SLC44A1: variants seen among roughly 807,000 people sequenced by gnomAD.
The protein encoded by SLC44A1 is solute carrier family 44 member 1.
SLC44A1 carries 26 observed loss-of-function variants against 79.3 expected under a neutral mutation model. The observed-to-expected ratio is 0.33, with a 90% confidence interval of 0.24 to 0.46. SLC44A1 has a LOEUF of 0.46. SLC44A1 is among the 20% of genes least tolerant of loss of function. The pLI is 1.00. For missense variants in SLC44A1, 688 were observed against 798.1 expected (o/e 0.86, Z 1.66); for synonymous variants, 263 against 286.2 (o/e 0.92, Z 0.82).
intron 1 of SLC44A1, among the ~76,000 whole-genome samples, chr9:105,254,664 C>T (rs1412971802): frequency 6.6e-6 from 1 of 152,158 alleles, no homozygotes; most frequent in East Asian, 1.9e-4. Flanking sequence ...ATCTTCTTGT[C>T]CTAGTGATGC....
At chr9:105,358,803 T>G (rs1021104318) in intron 7 of SLC44A1, among the ~76,000 whole-genome samples, 2 of 152,180 alleles carry the variant, frequency 1.3e-5, no homozygotes, top group Non-Finnish European at 2.9e-5. Flanking sequence ...TCTTGTTTTC[T>G]CTCTTTGCTA....
chr9:105,357,580 A>G (rs1010138587), intron 6 of SLC44A1, among the ~76,000 whole-genome samples: 1 of 152,158 alleles, frequency 6.6e-6, no homozygotes, highest in Non-Finnish European at 1.5e-5. Flanking sequence ...TCAGAAACGT[A>G]TTTCCCATGC....
At chr9:105,383,017 G>T in intron 13 of SLC44A1, 106 bp from the exon 14 acceptor site, 1 of 754,432 alleles carries the variant, frequency 1.3e-6, no homozygotes. Flanking sequence ...ATGGCCTCAT[G>T]CAACCATCAT....
chr9:105,427,472 A>T (rs1037342011), intron 15 of SLC44A1, among the ~76,000 whole-genome samples: 4 of 152,024 alleles, frequency 2.6e-5, no homozygotes, highest in African/African-American at 9.7e-5. Flanking sequence ...CAGAGGTCTC[A>T]CTACGTTGCT....
chr9:105,332,586 A>C (rs1434223493), intron 3 of SLC44A1, among the ~76,000 whole-genome samples: 1 of 152,182 alleles, frequency 6.6e-6, no homozygotes, highest in African/African-American at 2.4e-5. Flanking sequence ...TTAATTTCAC[A>C]GTGTTGTAGT....
chr9:105,298,426 C>T (rs149357410), intron 1 of SLC44A1, among the ~76,000 whole-genome samples: 1,556 of 152,242 alleles, frequency 0.01, 35 homozygotes, highest in African/African-American at 0.035. Context: ...GATCTTGGCT[C>T]ACTGCAACCT....
intron 15 of SLC44A1, among the ~76,000 whole-genome samples, chr9:105,405,135 C>T (rs1226123554): frequency 6.6e-6 from 1 of 151,980 alleles, no homozygotes; most frequent in Non-Finnish European, 1.5e-5. Context: ...GCCTGGGCAA[C>T]ATGGTGAAAC....
At chr9:105,335,791 A>T in intron 4 of SLC44A1, 92 bp downstream of exon 4, 1 of 1,152,202 alleles carries the variant, frequency 8.7e-7, no homozygotes, top group Non-Finnish European at 1.2e-6. Context: ...ATTATCAAGG[A>T]ACCTTAGATA....
At chr9:105,378,045 C>T (rs1380434912) in intron 13 of SLC44A1, among the ~76,000 whole-genome samples, 3 of 152,082 alleles carry the variant, frequency 2.0e-5, no homozygotes, top group South Asian at 4.1e-4. Context: ...GTCAGGAGTT[C>T]GAGACCAGCC....
intron 1 of SLC44A1, among the ~76,000 whole-genome samples, chr9:105,279,161 T>C (rs2131248837): frequency 7.0e-6 from 1 of 142,522 alleles, no homozygotes; most frequent in South Asian, 2.5e-4. Context: ...ATCGCACCAC[T>C]GCACTCCAGC....
intron 2 of SLC44A1, among the ~76,000 whole-genome samples, chr9:105,303,870 G>T (rs1830947157): frequency 6.6e-6 from 1 of 152,170 alleles, no homozygotes; most frequent in African/African-American, 2.4e-5. Flanking sequence ...TCTTCCTTTA[G>T]TATGTTGTTA....
chr9:105,358,822 A>G (rs766580257), intron 7 of SLC44A1, among the ~76,000 whole-genome samples: 10 of 152,140 alleles, frequency 6.6e-5, no homozygotes, highest in South Asian at 2.1e-4. Flanking sequence ...TACACGAACT[A>G]TGTTTTCTTT....
At chr9:105,411,757 G>C (rs971031835) in intron 15 of SLC44A1, among the ~76,000 whole-genome samples, 4 of 152,062 alleles carry the variant, frequency 2.6e-5, no homozygotes, top group Non-Finnish European at 4.4e-5. Flanking sequence ...TTAGATCCAA[G>C]GTATGCCTTT....
intron 15 of SLC44A1, among the ~76,000 whole-genome samples, chr9:105,430,371 C>T (rs1829377430): frequency 6.6e-6 from 1 of 152,198 alleles, no homozygotes; most frequent in Non-Finnish European, 1.5e-5. Flanking sequence ...AAGACCACCA[C>T]GTGACTCTAG....
At chr9:105,408,847 A>G (rs1215105439) in intron 15 of SLC44A1, among the ~76,000 whole-genome samples, 1 of 152,250 alleles carries the variant, frequency 6.6e-6, no homozygotes, top group African/African-American at 2.4e-5. Flanking sequence ...GTGGAGCTAC[A>G]TAGGAACACA....
chr9:105,261,480 GC>G (rs1829837182), intron 1 of SLC44A1, among the ~76,000 whole-genome samples: 1 of 152,170 alleles, frequency 6.6e-6, no homozygotes. Flanking sequence ...ATGACAAGCA[GC>G]ACTGCTTCTG....
At chr9:105,360,312 A>C (rs938416659) in intron 7 of SLC44A1, among the ~76,000 whole-genome samples, 4 of 152,114 alleles carry the variant, frequency 2.6e-5, no homozygotes, top group Non-Finnish European at 5.9e-5. Context: ...AGCTTTCCCT[A>C]CCCAGACACT....
At chr9:105,341,579 T>TTC (rs1351783261) in intron 4 of SLC44A1, among the ~76,000 whole-genome samples, 8 of 152,126 alleles carry the variant, frequency 5.3e-5, no homozygotes, top group Non-Finnish European at 7.4e-5. Flanking sequence ...GTGTATGAAT[T>TTC]TCCTAGGGGC....
chr9:105,346,442 G>A (rs1299412317), intron 4 of SLC44A1, among the ~76,000 whole-genome samples: 2 of 152,120 alleles, frequency 1.3e-5, no homozygotes, highest in Non-Finnish European at 2.9e-5. Flanking sequence ...AAGTGCTTTA[G>A]TTAGGGCCTT....
Sources: gnomAD v4.1 joint callset for allele counts (sites outside exome capture counted in the v4.1 genomes callset) on GRCh38, gnomAD v4.1.1 for gene constraint, MANE v1.5 for transcripts, NCBI Gene and HGNC (gene_info 2026-07-23, HGNC 2026-07-21) for gene names.